The following PDE4B variants were observed in gnomAD, a reference collection of about 807,000 sequenced individuals.
PDE4B encodes the protein phosphodiesterase 4B.
Under a neutral mutation model 82.2 loss-of-function variants are expected in PDE4B, and 20 were observed. That is an observed-to-expected ratio of 0.24 (90% CI 0.17 to 0.35). The LOEUF (loss-of-function observed/expected upper bound fraction) is 0.35, where lower values mean the gene tolerates loss of function less well. Ranked by LOEUF, PDE4B falls within the 10% of genes least tolerant of loss-of-function variation. The pLI is 1.00. For synonymous variants in PDE4B, 320 were observed against 318.9 expected, an observed-to-expected ratio of 1.00 and a Z score of -0.04; for missense variants, 655 against 907.2, an observed-to-expected ratio of 0.72 and a Z score of 3.57.
At chr1:66,026,349 A>G (rs965002978) in intron 3 of PDE4B, among the ~76,000 whole-genome samples, 4 of 152,160 alleles carry the variant, frequency 2.6e-5, no homozygotes, top group Non-Finnish European at 5.9e-5. Context: ...TTCTATGTCT[A>G]GCTAACATTG....
Position 65,931,641 on chromosome 1 carries a change from C to CA in PDE4B, c.281+12807dup, listed in dbSNP as rs541074295. On this transcript the variant is annotated intron_variant, in intron 3 of 16. Coordinates refer to ENST00000341517, the MANE Select transcript of PDE4B (RefSeq NM_002600.4). ...CGAACCCACCAATTCAACAACAACT[C>CA]ACAGACAAATTCTCTTACTGAGAAA... Among the ~76,000 whole-genome samples the CA allele has an allele frequency of 2.6e-4, 40 of 152,300 alleles. 1 individual carries two copies. The South Asian group carries it at 8.1e-3, about 31-fold the overall frequency.
chr1:66,203,463 C>T (rs1298066581), intron 3 of PDE4B, among the ~76,000 whole-genome samples: 1 of 152,178 alleles, frequency 6.6e-6, no homozygotes, highest in East Asian at 1.9e-4. Context: ...GTTCCATTCT[C>T]CCTGTCACTT....
At chr1:65,867,778 G>GAGAT (rs1646528032) in intron 1 of PDE4B, among the ~76,000 whole-genome samples, 1 of 152,190 alleles carries the variant, frequency 6.6e-6, no homozygotes, top group Admixed American at 6.5e-5. Flanking sequence ...TTCCCAAACA[G>GAGAT]AGATACACAC....
chr1:66,361,779 G>C lies in PDE4B; in HGVS notation c.1006G>C (p.Asp336His). The change falls in exon 10 of 17, where the codon GAT (aspartate) becomes CAT (histidine). Residue 336 changes from aspartate to histidine, a missense_variant. By Grantham distance (81) the Asp-to-His change is moderately conservative (BLOSUM62 -1). Around this residue, in one of 3 missense-constraint regions of PDE4B, gnomAD observed 283 missense variants for 516.4 expected, o/e 0.55. Transcript: ENST00000341517. ...CTTTGGAGTCAACACTGAAAATGAA[G>C]ATCACCTGGCCAAGGTGTGTATAAG... ...SRFGVNTENE[D>H]HLAKELEDLN... 6.2e-7 allele frequency: 1 copy of C among 1,611,546 alleles called. No individual in the cohort carries two copies. Among genetic ancestry groups the C allele is most frequent in the Non-Finnish European group, 8.5e-7 (1 of 1,178,518 alleles).
chr1:65,889,044 C>T (rs746158596), intron 1 of PDE4B, among the ~76,000 whole-genome samples: 62 of 152,040 alleles, frequency 4.1e-4, no homozygotes, highest in Non-Finnish European at 8.1e-4. Flanking sequence ...TTCAGCTTTC[C>T]CCATTCAGTA....
chr1:65,869,357 G>A (rs1044789739), intron 1 of PDE4B, among the ~76,000 whole-genome samples: 2 of 152,108 alleles, frequency 1.3e-5, no homozygotes, highest in Non-Finnish European at 2.9e-5. Flanking sequence ...AAGAATTTTT[G>A]TCACCTGAAA....
At chr1:65,897,540 T>C (rs1646924772) in intron 1 of PDE4B, among the ~76,000 whole-genome samples, 1 of 151,980 alleles carries the variant, frequency 6.6e-6, no homozygotes. Context: ...CCAGTGTGTA[T>C]TTTTCCCAAT....
intron 3 of PDE4B, among the ~76,000 whole-genome samples, chr1:66,245,633 A>G (rs1229259218): frequency 6.6e-6 from 1 of 152,220 alleles, no homozygotes; most frequent in Non-Finnish European, 1.5e-5. Flanking sequence ...TGCTAGTATG[A>G]GTGATTGTCC....
At chr1:66,017,491 G>A (rs1027296918) in intron 3 of PDE4B, among the ~76,000 whole-genome samples, 30 of 152,184 alleles carry the variant, frequency 2.0e-4, no homozygotes, top group African/African-American at 7.2e-4. Context: ...CATGTATTCA[G>A]TGGTGGTGGT....
intron 12 of PDE4B, among the ~76,000 whole-genome samples, chr1:66,363,914 G>A (rs894246032): frequency 2.6e-5 from 4 of 152,066 alleles, no homozygotes; most frequent in Non-Finnish European, 5.9e-5. Context: ...TATAAAAAAT[G>A]AATGACATTT....
rs1645632256 is a variant in PDE4B at position 65,796,414 on chromosome 1, T to G, written c.-71+3166T>G. On this transcript the variant is annotated intron_variant, in intron 1 of 16. Transcript: ENST00000341517. ...CCCCGAGGCTTGGTTCATCATTTTT[T>G]TTTCTGGTATTTTCTCTTTGTTCAA... is the stretch of plus-strand genomic sequence containing the variant. Among the ~76,000 whole-genome samples the G allele has an allele frequency of 2.0e-5, 3 of 152,270 alleles. No homozygotes were observed. In the South Asian group the frequency reaches 6.2e-4, roughly 32 times the overall value.
At chr1:65,950,764 G>C (rs1648952601) in intron 3 of PDE4B, among the ~76,000 whole-genome samples, 1 of 152,010 alleles carries the variant, frequency 6.6e-6, no homozygotes, top group Non-Finnish European at 1.5e-5. Flanking sequence ...CGATTCTCTG[G>C]AATAGGGGTG....
In PDE4B at chr1:66,178,915, G is replaced by C. The variant is rs1020834072; in HGVS notation, c.282-68545G>C. Among the ~76,000 whole-genome samples, 4 of 151,950 alleles carry C rather than the reference G, an allele frequency of 2.6e-5. No individual in the cohort carries two copies. The East Asian group carries it at 7.7e-4, about 29-fold the overall frequency. On this transcript the variant is annotated intron_variant, in intron 3 of 16. Transcript: ENST00000341517. Reference sequence around the variant, plus strand: ...TGCGCAGGCTGGAGTGCAATGGCGCGATCTCGGCTCACTGCAACCTCCACC... The same window carrying C: ...TGCGCAGGCTGGAGTGCAATGGCGCCATCTCGGCTCACTGCAACCTCCACC...
intron 3 of PDE4B, among the ~76,000 whole-genome samples, chr1:66,176,055 A>C (rs906905127): frequency 6.6e-6 from 1 of 152,242 alleles, no homozygotes; most frequent in Non-Finnish European, 1.5e-5. Context: ...GGCTCAGGCT[A>C]TCAGTTCAGT....
chr1:66,064,584 C>T (rs1655745625), intron 3 of PDE4B, among the ~76,000 whole-genome samples: 1 of 151,940 alleles, frequency 6.6e-6, no homozygotes, highest in Non-Finnish European at 1.5e-5. Context: ...GGAGCTTCCT[C>T]CTTAGCCCAT....
intron 2 of PDE4B, among the ~76,000 whole-genome samples, chr1:65,914,905 T>C (rs1463071836): frequency 1.3e-5 from 2 of 152,218 alleles, no homozygotes; most frequent in East Asian, 1.9e-4. Flanking sequence ...ACCAGCCACA[T>C]GTGACTATTA....
chr1:66,202,924 T>C (rs1350990407), intron 3 of PDE4B, among the ~76,000 whole-genome samples: 1 of 151,794 alleles, frequency 6.6e-6, no homozygotes, highest in Non-Finnish European at 1.5e-5. Context: ...CATTAGTTGA[T>C]GCAGTTTCTT....
chr1:66,031,920 T>C (rs530687092), intron 3 of PDE4B, among the ~76,000 whole-genome samples: 1 of 152,320 alleles, frequency 6.6e-6, no homozygotes, highest in South Asian at 2.1e-4. Flanking sequence ...CTTTCCATCC[T>C]CTCCGGTGAC....
intron 3 of PDE4B, among the ~76,000 whole-genome samples, chr1:65,963,599 C>G (rs575499485): frequency 6.6e-6 from 1 of 152,182 alleles, no homozygotes; most frequent in Non-Finnish European, 1.5e-5. Flanking sequence ...AGCTTATCAT[C>G]CCCTGTCAAG....
Sources: gnomAD v4.1 joint callset for allele counts (sites outside exome capture counted in the v4.1 genomes callset) on GRCh38, gnomAD v4.1.1 for gene constraint, gnomAD v4.1.1 regional missense constraint, MANE v1.5 for transcripts, NCBI Gene and HGNC (gene_info 2026-07-23, HGNC 2026-07-21) for gene names.